Variants in SAP18 observed in about 807,000 individuals in gnomAD.
SAP18 encodes Sin3A associated protein 18.
SAP18 carries 4 observed loss-of-function variants against 18.6 expected under a neutral mutation model. The observed-to-expected ratio is 0.21, with a 90% CI of 0.11 to 0.49. The LOEUF (loss-of-function observed/expected upper bound fraction) is 0.49, where lower values mean the gene tolerates loss of function less well. Ranked by LOEUF, SAP18 falls within the 20% of genes least tolerant of loss-of-function variation. The pLI is 0.98. For missense variants in SAP18, 170 were observed against 226.4 expected (o/e 0.75, Z 1.60); for synonymous variants, 112 against 82.8 (o/e 1.35, Z -1.92).
intron 2 of SAP18, among the ~76,000 whole-genome samples, chr13:21,143,287 A>C (rs1018606902): frequency 3.3e-5 from 5 of 152,226 alleles, no homozygotes; most frequent in Non-Finnish European, 5.9e-5. Flanking sequence ...GGAACCACCA[A>C]ACTTTTTCAC....
intron 2 of SAP18, among the ~76,000 whole-genome samples, chr13:21,145,380 C>A (rs2137339390): frequency 6.6e-6 from 1 of 152,202 alleles, no homozygotes; most frequent in Non-Finnish European, 1.5e-5. Context: ...TTGAAAAAAC[C>A]TAAAACGCTT....
rs7981250 is a variant in SAP18 at position 21,146,791 on chromosome 13, T to A, written c.240-14T>A. 1.3e-5 allele frequency: 21 copies of A among 1,569,866 alleles called. No individual in the cohort carries two copies. In the East Asian group the frequency reaches 2.2e-4, roughly 17 times the overall value. On this transcript the variant is annotated splice_polypyrimidine_tract_variant and intron_variant, in intron 2 of 3. Coordinates refer to ENST00000621421, the Ensembl canonical transcript of SAP18. ...AATAAGCAAATGTAAATGTCTTTTT[T>A]AAAAAAAATCCAGGATGGATGCAAC... is the stretch of plus-strand genomic sequence containing the variant.
At chr13:21,145,816 G>A (rs553541744) in intron 2 of SAP18, among the ~76,000 whole-genome samples, 2 of 151,954 alleles carry the variant, frequency 1.3e-5, no homozygotes, top group East Asian at 3.9e-4. Context: ...TCCGCACCTG[G>A]CAAAAAAATG....
chr13:21,141,179 G>A (rs941033292), intron 2 of SAP18, 184 bp downstream of exon 2: 1 of 600,908 alleles, frequency 1.7e-6, no homozygotes, highest in Non-Finnish European at 3.0e-6. Flanking sequence ...TGCCCGTATT[G>A]TAACGCTTTT....
At chr13:21,140,579 G>A (rs758288241) in exon 1 of SAP18, 1 of 1,605,572 alleles carries the variant, frequency 6.2e-7, no homozygotes, top group Non-Finnish European at 8.5e-7. Context: ...TCGGAGGTCA[G>A]GGCGAGCGTC....
exon 4 of SAP18, chr13:21,147,517 T>C: frequency 3.2e-6 from 2 of 624,320 alleles, no homozygotes; most frequent in Non-Finnish European, 5.6e-6. Context: ...ATAGTCTGTA[T>C]GTTTCAAGCC....
At chr13:21,148,232 T>A (rs951180204) in exon 4 of SAP18, 1 of 152,220 alleles carries the variant, frequency 6.6e-6, no homozygotes, top group African/African-American at 2.4e-5. Context: ...GATAAATTAT[T>A]TCAATCTTTA....
intron 2 of SAP18, among the ~76,000 whole-genome samples, chr13:21,143,903 C>A (rs2137337656): frequency 6.6e-6 from 1 of 152,304 alleles, no homozygotes; most frequent in Non-Finnish European, 1.5e-5. Flanking sequence ...GGCCTGCCCT[C>A]ATTCCCAGAA....
intron 3 of SAP18, 41 bp from the exon 4 acceptor site, chr13:21,147,144 CA>C: frequency 6.3e-7 from 1 of 1,582,016 alleles, no homozygotes; most frequent in Admixed American, 1.8e-5. Flanking sequence ...TACTGGGTTT[CA>C]TTGATTTGGA....
chr13:21,140,548 T>A, exon 1 of SAP18: 1 of 1,583,134 alleles, frequency 6.3e-7, no homozygotes. Flanking sequence ...AGAGACTTAG[T>A]GCTCATGCTC....
At chr13:21,142,004 A>C (rs1054856771) in intron 2 of SAP18, among the ~76,000 whole-genome samples, 1 of 148,968 alleles carries the variant, frequency 6.7e-6, no homozygotes, top group Non-Finnish European at 1.5e-5. Flanking sequence ...GATATATAAC[A>C]AGCCAGGCAC....
At chr13:21,142,399 T>C (rs1869500974) in intron 2 of SAP18, among the ~76,000 whole-genome samples, 1 of 151,014 alleles carries the variant, frequency 6.6e-6, no homozygotes. Flanking sequence ...TGATCTCAGC[T>C]CACTGCAACC....
chr13:21,145,279 T>A (rs1869612119), intron 2 of SAP18, among the ~76,000 whole-genome samples: 1 of 152,120 alleles, frequency 6.6e-6, no homozygotes, highest in Admixed American at 6.5e-5. Context: ...TCCAGCTGTG[T>A]ATAAGGTATG....
intron 2 of SAP18, among the ~76,000 whole-genome samples, chr13:21,141,895 G>C (rs1310302579): frequency 1.3e-5 from 2 of 151,316 alleles, no homozygotes; most frequent in African/African-American, 4.8e-5. Flanking sequence ...TCGAACTCTT[G>C]ACCTCAAGTG....
chr13:21,140,563 C>T lies in SAP18; in HGVS notation c.11C>T (p.Ala4Val), dbSNP rs1555232654. 1.2e-5 allele frequency: 19 copies of T among 1,597,014 alleles called. 1 individual carries two copies. The South Asian group carries it at 1.9e-4, about 16-fold the overall frequency. ...AGAGACTTAGTGCTCATGCTCGCTG[C>T]AGGGGTCGGAGGTCAGGGCGAGCGT... is the stretch of plus-strand genomic sequence containing the variant. The change falls in exon 1 of 4, where the codon GCA (alanine) becomes GTA (valine). Residue 4 changes from alanine to valine, a missense_variant. By Grantham distance (64) the Ala-to-Val change is moderately conservative. This residue lies in a region of SAP18 where 60 missense variants were observed against 26.2 expected (regional missense o/e 2.29). Transcript: ENST00000621421.
chr13:21,141,227 A>G (rs746455042), intron 2 of SAP18: 30 of 563,308 alleles, frequency 5.3e-5, no homozygotes, highest in Non-Finnish European at 7.9e-5. Flanking sequence ...TTAAGAATGG[A>G]CAGACCCAAG....
At chr13:21,146,976 T>C (rs754365451) in intron 3 of SAP18, 49 bp downstream of exon 3, 1 of 1,557,672 alleles carries the variant, frequency 6.4e-7, no homozygotes, top group African/African-American at 1.4e-5. Flanking sequence ...GTTTTTAGTA[T>C]GTTTTAACTG....
At chr13:21,140,920 A>G (rs771411837) in exon 2 of SAP18, 34 of 1,613,106 alleles carry the variant, frequency 2.1e-5, no homozygotes, top group Non-Finnish European at 2.7e-5. Context: ...TTCACCACCA[A>G]TAACGGCCGC....
chr13:21,143,191 G>A (rs1307813144), intron 2 of SAP18, among the ~76,000 whole-genome samples: 1 of 152,206 alleles, frequency 6.6e-6, no homozygotes, highest in African/African-American at 2.4e-5. Context: ...GCATACAAAT[G>A]TGTTTGTGTC....
Sources: allele counts gnomAD v4.1 joint callset (sites outside exome capture counted in the v4.1 genomes callset), GRCh38; gene constraint gnomAD v4.1.1; regional missense constraint gnomAD v4.1.1; transcripts MANE v1.5; gene names NCBI Gene and HGNC (gene_info 2026-07-23, HGNC 2026-07-21).